SDK1: variants seen among roughly 807,000 people sequenced by gnomAD.
The protein encoded by SDK1 is protein sidekick-1.
SDK1 carries 157 observed loss-of-function variants against 245.5 expected under a neutral mutation model. The ratio of observed to expected loss-of-function variants is 0.64; its 90% CI spans 0.56 to 0.73. SDK1 has a LOEUF of 0.73. SDK1 is among the 30% of genes least tolerant of loss of function. SDK1 has a pLI of 0.00. For missense variants in SDK1, 3,583 were observed against 3,002.3 expected (o/e 1.19, Z -4.52); for synonymous variants, 1,647 against 1,278.5 (o/e 1.29, Z -6.15).
At chr7:3,318,769 G>A (rs1010878798) in intron 1 of SDK1, among the ~76,000 whole-genome samples, 1 of 152,106 alleles carries the variant, frequency 6.6e-6, no homozygotes, top group Non-Finnish European at 1.5e-5. Context: ...TACCATCATT[G>A]TTGGTTTTAG....
At chr7:3,930,098 G>A (rs1779919478) in intron 5 of SDK1, among the ~76,000 whole-genome samples, 1 of 152,192 alleles carries the variant, frequency 6.6e-6, no homozygotes, top group Admixed American at 6.5e-5. Flanking sequence ...GGTGATGTAT[G>A]TGTAACCCAG....
chr7:3,307,408 C>T (rs1175335475), intron 1 of SDK1, among the ~76,000 whole-genome samples: 1 of 152,178 alleles, frequency 6.6e-6, no homozygotes, highest in Non-Finnish European at 1.5e-5. Context: ...CAGTTAGATA[C>T]CTACCTGCCA....
chr7:3,933,561 A>G (rs756198210), intron 5 of SDK1, among the ~76,000 whole-genome samples: 4 of 152,200 alleles, frequency 2.6e-5, no homozygotes, highest in African/African-American at 4.8e-5. Context: ...TGGTTAGGAT[A>G]GAACCCCTGC....
intron 22 of SDK1, among the ~76,000 whole-genome samples, chr7:4,085,654 A>C (rs757548409): frequency 6.6e-6 from 1 of 152,168 alleles, no homozygotes; most frequent in African/African-American, 2.4e-5. Context: ...TCCCGGGTTC[A>C]AGCTATTCTC....
At chr7:3,977,502 T>C (rs923321566) in intron 13 of SDK1, among the ~76,000 whole-genome samples, 7 of 152,238 alleles carry the variant, frequency 4.6e-5, no homozygotes, top group Non-Finnish European at 8.8e-5. Flanking sequence ...CATTGGAGCC[T>C]ACGACCCTGG....
At chr7:3,549,230 G>A (rs925275016) in intron 1 of SDK1, among the ~76,000 whole-genome samples, 4 of 152,190 alleles carry the variant, frequency 2.6e-5, no homozygotes, top group African/African-American at 9.6e-5. Context: ...GCTGTGAAAT[G>A]TGATCTCTAT....
intron 1 of SDK1, among the ~76,000 whole-genome samples, chr7:3,417,754 G>C (rs1779414522): frequency 6.6e-6 from 1 of 152,110 alleles, no homozygotes; most frequent in Non-Finnish European, 1.5e-5. Flanking sequence ...GGTGCCTGAG[G>C]GAGATTTGTT....
chr7:4,060,896 G>A (rs1368351706), intron 19 of SDK1, among the ~76,000 whole-genome samples: 1 of 151,708 alleles, frequency 6.6e-6, no homozygotes, highest in South Asian at 2.1e-4. Flanking sequence ...TATTAAATAG[G>A]GAATCCTTTA....
At chr7:3,397,581 A>C (rs1044391576) in intron 1 of SDK1, among the ~76,000 whole-genome samples, 1 of 151,726 alleles carries the variant, frequency 6.6e-6, no homozygotes, top group Non-Finnish European at 1.5e-5. Flanking sequence ...TCCCTGTAAT[A>C]TGCAAGTCAT....
rs113602191 is a variant in SDK1 at position 3,970,133 on chromosome 7, A to G, written c.1714+709A>G. Among the ~76,000 whole-genome samples the G allele has an allele frequency of 5.3e-3, 811 of 152,366 alleles. 7 individuals carry two copies. The highest frequency in any genetic ancestry group is 0.019 in the African/African-American group (771 of 41,580). On this transcript the variant is annotated intron_variant, in intron 11 of 44. Coordinates refer to ENST00000404826, the MANE Select transcript of SDK1 (RefSeq NM_152744.4). Reference sequence around the variant, plus strand: ...CTGTCTCATCTCAATCTGTACTACTAAAAACTCATATTCAAAAAGCAAAAG... The same window carrying G: ...CTGTCTCATCTCAATCTGTACTACTGAAAACTCATATTCAAAAAGCAAAAG...
At chr7:3,785,470 G>T (rs1451673422) in intron 4 of SDK1, among the ~76,000 whole-genome samples, 1 of 152,086 alleles carries the variant, frequency 6.6e-6, no homozygotes, top group Non-Finnish European at 1.5e-5. Flanking sequence ...ATGCAATTGT[G>T]AATTGTCAAT....
intron 20 of SDK1, among the ~76,000 whole-genome samples, chr7:4,075,145 C>T (rs1780577741): frequency 6.6e-6 from 1 of 151,682 alleles, no homozygotes; most frequent in South Asian, 2.1e-4. Context: ...TTGGTGACAA[C>T]TCACAGGATG....
chr7:4,005,636 C>A (rs1785427531), intron 14 of SDK1, among the ~76,000 whole-genome samples: 1 of 152,092 alleles, frequency 6.6e-6, no homozygotes, highest in Middle Eastern at 3.2e-3. Context: ...ACCTCCTCCC[C>A]AAGCGGGTTT....
chr7:3,505,571 C>A (rs895250337), intron 1 of SDK1, among the ~76,000 whole-genome samples: 2 of 152,186 alleles, frequency 1.3e-5, no homozygotes, highest in Non-Finnish European at 2.9e-5. Context: ...CTTAATATAT[C>A]TCTTCACATA....
chr7:3,571,907 A>G (rs534630643), intron 1 of SDK1, among the ~76,000 whole-genome samples: 2 of 152,160 alleles, frequency 1.3e-5, no homozygotes, highest in East Asian at 3.9e-4. Context: ...TTAAAAAGCC[A>G]TCACTCATAC....
chr7:3,870,189 T>C (rs1215424658), intron 5 of SDK1, among the ~76,000 whole-genome samples: 1 of 152,230 alleles, frequency 6.6e-6, no homozygotes, highest in Non-Finnish European at 1.5e-5. Flanking sequence ...ATAAAGATGT[T>C]ATAAACTAGG....
intron 27 of SDK1, among the ~76,000 whole-genome samples, chr7:4,131,749 G>T (rs1435901964): frequency 6.6e-6 from 1 of 151,910 alleles, no homozygotes; most frequent in African/African-American, 2.4e-5. Flanking sequence ...CCACACACAA[G>T]AATTATTATA....
intron 1 of SDK1, among the ~76,000 whole-genome samples, chr7:3,584,522 G>C (rs1379255069): frequency 1.3e-5 from 2 of 152,168 alleles, no homozygotes; most frequent in Non-Finnish European, 2.9e-5. Context: ...CGCTCCTTGA[G>C]AGTTGAACCT....
chr7:4,152,590 G>A (rs1780458536), intron 30 of SDK1, among the ~76,000 whole-genome samples: 1 of 152,224 alleles, frequency 6.6e-6, no homozygotes, highest in Non-Finnish European at 1.5e-5. Context: ...AGGACAGACA[G>A]TTTAATTTGG....
Sources: allele counts gnomAD v4.1 joint callset (sites outside exome capture counted in the v4.1 genomes callset), GRCh38; gene constraint gnomAD v4.1.1; transcripts MANE v1.5; gene names NCBI Gene and HGNC (gene_info 2026-07-23, HGNC 2026-07-21).